Variants in ADCY8 observed in about 807,000 individuals in gnomAD.
The protein encoded by ADCY8 is adenylate cyclase type 8.
Under a neutral mutation model 119.7 loss-of-function variants are expected in ADCY8, and 51 were observed. The ratio of observed to expected loss-of-function variants is 0.43; its 90% CI spans 0.34 to 0.54. The LOEUF is 0.54. Ranked by LOEUF, ADCY8 falls within the 20% of genes least tolerant of loss-of-function variation. ADCY8 has a pLI of 0.03. For missense variants in ADCY8, 1,383 were observed against 1,598.8 expected (o/e 0.87, Z 2.30); for synonymous variants, 665 against 651.0 (o/e 1.02, Z -0.33).
chr8:130,989,065 T>A (rs1822493420), intron 2 of ADCY8, among the ~76,000 whole-genome samples: 3 of 152,230 alleles, frequency 2.0e-5, no homozygotes, highest in Non-Finnish European at 4.4e-5. Flanking sequence ...TGGGAGATAC[T>A]CATGTTTATT....
At position 130,990,525 on chromosome 8, in the gene ADCY8, C is replaced by A. The variant is rs749772561; in HGVS notation, c.978G>T (p.Val326=). 8.7e-6 allele frequency: 14 copies of A among 1,614,004 alleles called. No homozygotes were observed. In the South Asian group the frequency reaches 1.5e-4, roughly 18 times the overall value. ...ISINQVVAQA[V]LFMCMNTAGI... is the part of the protein sequence containing the mutation. ...CAGCTGTGTTCATACACATGAATAG[C>A]ACTGCCTGGGCCACAACCTAAAATA... Residue 326 remains valine (V), a synonymous_variant, in exon 2 of 18, where the codon GTG becomes GTT. Transcript: ENST00000286355.
At chr8:130,859,147 C>T (rs948250869) in intron 9 of ADCY8, among the ~76,000 whole-genome samples, 4 of 152,126 alleles carry the variant, frequency 2.6e-5, no homozygotes, top group Non-Finnish European at 4.4e-5. Flanking sequence ...GCCCTCTCCA[C>T]TGACAGAGGA....
chr8:131,015,827 G>A (rs1240737744), intron 1 of ADCY8, among the ~76,000 whole-genome samples: 1 of 152,092 alleles, frequency 6.6e-6, no homozygotes, highest in Non-Finnish European at 1.5e-5. Context: ...GAGAGGGCTG[G>A]ACCCAAACTC....
At chr8:130,822,580 A>ATCCATCCATCCT (rs1563679293) in intron 12 of ADCY8, among the ~76,000 whole-genome samples, 14 of 151,208 alleles carry the variant, frequency 9.3e-5, no homozygotes, top group African/African-American at 2.2e-4. Context: ...CCATCCATCC[A>ATCCATCCATCCT]TCCATCCATC....
intron 14 of ADCY8, among the ~76,000 whole-genome samples, chr8:130,803,929 G>T (rs981329554): frequency 3.9e-5 from 6 of 152,198 alleles, no homozygotes; most frequent in Admixed American, 1.3e-4. Context: ...CTGATGACTG[G>T]CTAGGTAGGG....
intron 8 of ADCY8, among the ~76,000 whole-genome samples, chr8:130,870,954 G>T (rs1818333213): frequency 6.7e-6 from 1 of 149,876 alleles, no homozygotes; most frequent in Admixed American, 6.8e-5. Context: ...TAGTTCATAA[G>T]TTTGAAGCAT....
At chr8:130,780,970 G>A (rs1224242174) in intron 17 of ADCY8, 93 bp from the exon 18 acceptor site, 18 of 1,515,264 alleles carry the variant, frequency 1.2e-5, no homozygotes, top group Non-Finnish European at 1.6e-5. Context: ...CACTATGTGT[G>A]GGGTCTCTGT....
At chr8:130,895,100 T>C (rs1463196286) in intron 7 of ADCY8, among the ~76,000 whole-genome samples, 1 of 152,082 alleles carries the variant, frequency 6.6e-6, no homozygotes, top group Non-Finnish European at 1.5e-5. Context: ...ATTGAGGAAA[T>C]AAGTCAGGGG....
At chr8:130,923,219 AAG>A (rs561066807) in intron 5 of ADCY8, among the ~76,000 whole-genome samples, 2 of 152,114 alleles carry the variant, frequency 1.3e-5, no homozygotes, top group African/African-American at 4.8e-5. Context: ...GAGAGAGAGA[AAG>A]AGAGAAAAGA....
At chr8:130,800,343 ATAAG>A (rs1165785727) in intron 15 of ADCY8, 79 bp downstream of exon 15, 1 of 1,537,970 alleles carries the variant, frequency 6.5e-7, no homozygotes, top group African/African-American at 1.4e-5. Flanking sequence ...AAAAAAAAAA[ATAAG>A]TAATTCCTAC....
intron 1 of ADCY8, among the ~76,000 whole-genome samples, chr8:131,002,929 C>T (rs112541582): frequency 9.9e-5 from 15 of 152,082 alleles, no homozygotes; most frequent in South Asian, 2.1e-4. Context: ...AGGCTGGGCA[C>T]GGTGGCTCAC....
intron 2 of ADCY8, among the ~76,000 whole-genome samples, chr8:130,985,546 GT>G (rs1822377455): frequency 6.6e-6 from 1 of 152,112 alleles, no homozygotes; most frequent in Non-Finnish European, 1.5e-5. Context: ...GAAGTAAGAG[GT>G]TTTTGGAGTA....
intron 14 of ADCY8, among the ~76,000 whole-genome samples, chr8:130,808,202 C>T (rs1816038868): frequency 6.6e-6 from 1 of 152,034 alleles, no homozygotes; most frequent in Admixed American, 6.6e-5. Flanking sequence ...CACAGAAACA[C>T]ATGTTTCAGA....
chr8:130,866,367 C>G (rs2130385122), intron 9 of ADCY8, among the ~76,000 whole-genome samples: 1 of 152,142 alleles, frequency 6.6e-6, no homozygotes, highest in Non-Finnish European at 1.5e-5. Context: ...TACAATCTTC[C>G]TAAAAATCTC....
At chr8:130,997,560 A>C (rs1169171156) in intron 1 of ADCY8, among the ~76,000 whole-genome samples, 3 of 152,204 alleles carry the variant, frequency 2.0e-5, no homozygotes, top group Non-Finnish European at 4.4e-5. Flanking sequence ...GTCTGGAACC[A>C]ATGAGAAAAA....
intron 1 of ADCY8, among the ~76,000 whole-genome samples, chr8:131,014,396 A>G (rs944757802): frequency 6.6e-6 from 1 of 152,238 alleles, no homozygotes; most frequent in Admixed American, 6.5e-5. Flanking sequence ...GAAGCTAGTA[A>G]CATAAAATAT....
In ADCY8 at chr8:130,780,823, T is replaced by C. The variant is rs767919298; in HGVS notation, c.3323A>G (p.Tyr1108Cys). The change falls in exon 18 of 18, where the codon TAT becomes TGT. Residue 1108 changes from tyrosine (Y) to cysteine (C), a missense_variant. Physicochemically the swap from Tyr to Cys is radical, Grantham distance 194 (BLOSUM62 -2). Around this residue, in one of 2 missense-constraint regions of ADCY8, gnomAD observed 928 missense variants for 1,163.5 expected, o/e 0.80. Transcript: ENST00000286355. ...AGVIGAKKPQ[Y>C]DIWGKTVNLA... is the part of the protein sequence containing the mutation. The stretch of plus-strand genomic sequence containing the variant: ...GTTCACAGTTTTGCCCCAAATGTCA[T>C]ACTGTGGTTTCTTAGCGCCGATAAC... 1 of 1,614,178 alleles carries C rather than the reference T, an allele frequency of 6.2e-7. No homozygotes were observed. Among genetic ancestry groups the C allele is most frequent in the Non-Finnish European group, 8.5e-7 (1 of 1,180,006 alleles).
rs536933044 is a variant in ADCY8, at chr8:130,936,095, G to C, written c.1481+978C>G. Among the ~76,000 whole-genome samples, 13 of 116,500 alleles carry C rather than the reference G, an allele frequency of 1.1e-4. No homozygotes were observed. The East Asian group carries it at 2.8e-3, about 26-fold the overall frequency. The allele number at this position is 116,500 out of a possible 152,430, so 76.4% of individuals were successfully genotyped here. A position where few individuals can be genotyped will look rare whatever the true frequency, so the allele number is the denominator to read the frequency against. On this transcript the variant is annotated intron_variant, in intron 5 of 17. Transcript: ENST00000286355. ...GACATGTGTGTGTGTGTGTGTGTGTGTGTGTGTGTGTGTGTATTTCTGCCT... is the reference window on the plus strand; with the variant it reads ...GACATGTGTGTGTGTGTGTGTGTGTCTGTGTGTGTGTGTGTATTTCTGCCT...
chr8:130,995,065 T>C (rs1188824288), intron 1 of ADCY8, among the ~76,000 whole-genome samples: 1 of 152,224 alleles, frequency 6.6e-6, no homozygotes, highest in Non-Finnish European at 1.5e-5. Context: ...GTCACTCTTA[T>C]ACCTAGTTGG....
Sources: allele counts gnomAD v4.1 joint callset (sites outside exome capture counted in the v4.1 genomes callset), GRCh38; gene constraint gnomAD v4.1.1; regional missense constraint gnomAD v4.1.1; transcripts MANE v1.5; gene names NCBI Gene and HGNC (gene_info 2026-07-23, HGNC 2026-07-21).